The following L3MBTL4 variants were observed in gnomAD, a reference collection of about 807,000 sequenced individuals.
L3MBTL4 encodes lethal(3)malignant brain tumor-like protein 4.
Under a neutral mutation model 84.5 loss-of-function variants are expected in L3MBTL4, and 70 were observed. The observed-to-expected ratio is 0.83, with a 90% confidence interval of 0.68 to 1.01. The LOEUF (loss-of-function observed/expected upper bound fraction) is 1.01, where lower values mean the gene tolerates loss of function less well. L3MBTL4 is among the 50% of genes least tolerant of loss of function. The probability of loss-of-function intolerance (pLI) is 0.00; values close to 1 mark genes in which losing one functional copy is unlikely to be tolerated. For missense variants in L3MBTL4, 715 were observed against 754.8 expected (o/e 0.95, Z 0.62); for synonymous variants, 274 against 259.8 (o/e 1.05, Z -0.52).
In L3MBTL4 at chr18:6,020,585, C is replaced by T. The variant is rs73938714; in HGVS notation, c.1445-51023G>A. On this transcript the variant is annotated intron_variant, in intron 16 of 18. Coordinates refer to ENST00000317931, the MANE Select transcript of L3MBTL4 (RefSeq NM_001330559.2). ...GACAGGAAGACCAGATAAGGAGACA[C>T]CATCCTGTAGTCAAAGTGAGGGAGA... Among the ~76,000 whole-genome samples the T allele has an allele frequency of 5.1e-3, 708 of 138,608 alleles. 6 individuals carry two copies. Among genetic ancestry groups the T allele is most frequent in the African/African-American group, 0.017 (673 of 38,752 alleles). The allele number at this position is 138,608 out of a possible 152,430, so 90.9% of individuals were successfully genotyped here. A position where few individuals can be genotyped will look rare whatever the true frequency, so the allele number is the denominator to read the frequency against.
chr18:6,075,849 A>T lies in L3MBTL4; in HGVS notation c.1444+5032T>A, dbSNP rs573200962. Among the ~76,000 whole-genome samples, 53 of 152,312 alleles carry T rather than the reference A, an allele frequency of 3.5e-4. 2 individuals are homozygous for T. Among genetic ancestry groups the T allele is most frequent in the African/African-American group, 1.3e-3 (53 of 41,574 alleles). ...AAAAGACAAATGAGAAAGATACTTC[A>T]TAAAAGAAGATATTCAAATAGCCAA... On this transcript the variant is annotated intron_variant, in intron 16 of 18. Coordinates refer to ENST00000317931, the MANE Select transcript of L3MBTL4 (RefSeq NM_001330559.2).
intron 1 of L3MBTL4, among the ~76,000 whole-genome samples, chr18:6,389,092 A>G (rs1365082368): frequency 6.6e-6 from 1 of 152,198 alleles, no homozygotes; most frequent in Non-Finnish European, 1.5e-5. Flanking sequence ...TTAAAAAATA[A>G]TAAACTCAGC....
chr18:6,280,334 T>A (rs1466002875), intron 4 of L3MBTL4, among the ~76,000 whole-genome samples: 1 of 152,206 alleles, frequency 6.6e-6, no homozygotes, highest in African/African-American at 2.4e-5. Context: ...AGGGGCATTT[T>A]CCCCACTGAG....
intron 10 of L3MBTL4, among the ~76,000 whole-genome samples, chr18:6,221,845 C>T (rs1323233969): frequency 2.0e-5 from 3 of 152,180 alleles, no homozygotes; most frequent in African/African-American, 7.2e-5. Context: ...AATATCCGGG[C>T]CTCCAATGAT....
chr18:5,975,829 T>C (rs1258007443), intron 16 of L3MBTL4, among the ~76,000 whole-genome samples: 1 of 152,236 alleles, frequency 6.6e-6, no homozygotes, highest in African/African-American at 2.4e-5. Context: ...GTTTCTTAGA[T>C]GCCAAGTCAT....
intron 15 of L3MBTL4, among the ~76,000 whole-genome samples, chr18:6,091,715 G>C (rs926068694): frequency 1.3e-5 from 2 of 152,128 alleles, no homozygotes; most frequent in Admixed American, 6.6e-5. Context: ...TAACCTCTGA[G>C]AGCAATCATT....
chr18:6,317,521 T>C (rs2051169055), intron 1 of L3MBTL4, among the ~76,000 whole-genome samples: 2 of 152,036 alleles, frequency 1.3e-5, no homozygotes, highest in Admixed American at 1.3e-4. Context: ...AGCTCGAAGA[T>C]AAGGCTTTTG....
chr18:6,179,122 T>C (rs2044353477), intron 12 of L3MBTL4, among the ~76,000 whole-genome samples: 1 of 152,244 alleles, frequency 6.6e-6, no homozygotes, highest in African/African-American at 2.4e-5. Flanking sequence ...TTTATTAGCC[T>C]AAGTGACTAT....
In L3MBTL4 at chr18:6,056,960, C is replaced by T. The variant is rs143546895; in HGVS notation, c.1444+23921G>A. Among the ~76,000 whole-genome samples, 37 of 152,198 alleles carry T rather than the reference C, an allele frequency of 2.4e-4. No individual in the cohort carries two copies. The East Asian group carries it at 6.4e-3, about 26-fold the overall frequency. On this transcript the variant is annotated intron_variant, in intron 16 of 18. Transcript: ENST00000317931. ...GAACATATTGTTATTATCAGTATTA[C>T]TATCATAGTGAACATATTAAGAAAA...
chr18:6,389,165 G>C (rs949886120), intron 1 of L3MBTL4, among the ~76,000 whole-genome samples: 3 of 152,172 alleles, frequency 2.0e-5, no homozygotes, highest in Admixed American at 2.0e-4. Context: ...CAGAAGAACT[G>C]TCAGCCAAGA....
At chr18:6,214,757 A>G (rs2046254524) in intron 11 of L3MBTL4, among the ~76,000 whole-genome samples, 1 of 152,200 alleles carries the variant, frequency 6.6e-6, no homozygotes, top group South Asian at 2.1e-4. Context: ...AGAGTTTAGT[A>G]TTGTACACGC....
At chr18:6,023,680 T>C (rs1388668361) in intron 16 of L3MBTL4, among the ~76,000 whole-genome samples, 2 of 152,212 alleles carry the variant, frequency 1.3e-5, no homozygotes, top group African/African-American at 4.8e-5. Context: ...AAAGTAATTG[T>C]AACTGAAAAC....
chr18:5,997,448 C>G (rs1311222495), intron 16 of L3MBTL4, among the ~76,000 whole-genome samples: 3 of 152,194 alleles, frequency 2.0e-5, no homozygotes, highest in East Asian at 1.9e-4. Context: ...AAATGCATAT[C>G]TGATTGCTTC....
intron 16 of L3MBTL4, among the ~76,000 whole-genome samples, chr18:6,007,806 T>C (rs1012535194): frequency 1.3e-5 from 2 of 152,176 alleles, no homozygotes; most frequent in African/African-American, 2.4e-5. Context: ...GGCTCCCTTT[T>C]TTATGAGTGG....
In L3MBTL4 at chr18:6,194,342, C is replaced by T. The variant is rs114417417; in HGVS notation, c.981+18807G>A. Among the ~76,000 whole-genome samples the T allele has an allele frequency of 5.9e-5, 9 of 152,184 alleles. No homozygotes were observed. In the South Asian group the frequency reaches 1.2e-3, roughly 21 times the overall value. On this transcript the variant is annotated intron_variant, in intron 12 of 18. Transcript: ENST00000317931. ...GTGGCGATGGTCACGGCAGCCTTCCCGCCTCTGTAAACCGGCCTGACGTGA... is the reference window on the plus strand; with the variant it reads ...GTGGCGATGGTCACGGCAGCCTTCCTGCCTCTGTAAACCGGCCTGACGTGA...
At chr18:6,300,134 A>T (rs1431318244) in intron 4 of L3MBTL4, among the ~76,000 whole-genome samples, 3 of 152,186 alleles carry the variant, frequency 2.0e-5, no homozygotes, top group Admixed American at 6.5e-5. Flanking sequence ...AAAAAACTAA[A>T]CTATTTTCAT....
rs577954432 is a variant in L3MBTL4 at position 6,108,445 on chromosome 18, A to G, written c.1200-14917T>C. ...GGCAAATCTGTGTGGATAAGCTGGT[A>G]TATTAAGCTCTCTAGATGTGTTAGT... is the stretch of plus-strand genomic sequence containing the variant. On this transcript the variant is annotated intron_variant, in intron 14 of 18. Coordinates refer to ENST00000317931, the MANE Select transcript of L3MBTL4 (RefSeq NM_001330559.2). Among the ~76,000 whole-genome samples, 3 of 152,310 alleles carry G rather than the reference A, an allele frequency of 2.0e-5. No individual in the cohort carries two copies. In the South Asian group the frequency reaches 6.2e-4, roughly 32 times the overall value.
chr18:6,186,095 C>G (rs1221450554), intron 12 of L3MBTL4, among the ~76,000 whole-genome samples: 1 of 151,810 alleles, frequency 6.6e-6, no homozygotes, highest in African/African-American at 2.4e-5. Context: ...TCACTGCAAA[C>G]TCTGTCTCCC....
rs552449803 is a variant in L3MBTL4, at chr18:6,034,491, G to A, written c.1444+46390C>T. Among the ~76,000 whole-genome samples the A allele has an allele frequency of 9.2e-5, 14 of 152,232 alleles. No individual in the cohort carries two copies. The South Asian group carries it at 2.9e-3, about 32-fold the overall frequency. ...ACGACATGAACTCATCATTTTTTATGGCTGCATAGTATTCCATGGTGTATA... is the reference window on the plus strand; with the variant it reads ...ACGACATGAACTCATCATTTTTTATAGCTGCATAGTATTCCATGGTGTATA... On this transcript the variant is annotated intron_variant, in intron 16 of 18. Coordinates refer to ENST00000317931, the MANE Select transcript of L3MBTL4 (RefSeq NM_001330559.2).
Sources: allele counts gnomAD v4.1 joint callset (sites outside exome capture counted in the v4.1 genomes callset), GRCh38; gene constraint gnomAD v4.1.1; transcripts MANE v1.5; gene names NCBI Gene and HGNC (gene_info 2026-07-23, HGNC 2026-07-21).